The following MPP7 variants were observed in gnomAD, a reference collection of about 807,000 sequenced individuals.
MPP7 encodes the protein MAGUK p55 subfamily member 7.
A neutral mutation model predicts 76.5 loss-of-function variants in MPP7; 60 were observed. The ratio of observed to expected loss-of-function variants is 0.78; its 90% confidence interval spans 0.64 to 0.97. MPP7 has a LOEUF of 0.97. MPP7 is among the 50% of genes least tolerant of loss of function. The pLI, the probability that MPP7 is intolerant of heterozygous loss-of-function variation, is 0.00. For missense variants in MPP7, 641 were observed against 694.0 expected, an observed-to-expected ratio of 0.92 and a Z score of 0.86; for synonymous variants, 237 against 244.5, an observed-to-expected ratio of 0.97 and a Z score of 0.29.
intron 12 of MPP7, among the ~76,000 whole-genome samples, chr10:28,089,425 G>GTTCAA: frequency 6.6e-6 from 1 of 151,914 alleles, no homozygotes; most frequent in Non-Finnish European, 1.5e-5. Flanking sequence ...TATTACAACA[G>GTTCAA]TGTTTGCTAT....
intron 2 of MPP7, among the ~76,000 whole-genome samples, chr10:28,226,095 T>C (rs1838678735): frequency 6.6e-6 from 1 of 152,122 alleles, no homozygotes; most frequent in Non-Finnish European, 1.5e-5. Context: ...ACACCACAGA[T>C]GAACCTTAAA....
intron 5 of MPP7, among the ~76,000 whole-genome samples, chr10:28,138,413 A>G (rs780672107): frequency 9.9e-5 from 15 of 152,212 alleles, no homozygotes; most frequent in Non-Finnish European, 1.6e-4. Flanking sequence ...TTCACATTCA[A>G]TTAATCTAGT....
chr10:28,083,456 T>C (rs1852856124), intron 12 of MPP7, among the ~76,000 whole-genome samples: 1 of 152,138 alleles, frequency 6.6e-6, no homozygotes, highest in Non-Finnish European at 1.5e-5. Flanking sequence ...TCTGGAAAGT[T>C]TCTAGATCTT....
chr10:28,291,758 T>C (rs986416007), intron 1 of MPP7, among the ~76,000 whole-genome samples: 3 of 152,246 alleles, frequency 2.0e-5, no homozygotes, highest in Admixed American at 6.5e-5. Context: ...TAAAATGTGC[T>C]TGTGTTTGAA....
intron 2 of MPP7, among the ~76,000 whole-genome samples, chr10:28,323,340 C>T (rs367633709): frequency 3.3e-5 from 5 of 151,984 alleles, no homozygotes; most frequent in Admixed American, 1.3e-4. Flanking sequence ...GTGGTCCCAG[C>T]TACTTGGGCG....
chr10:28,193,725 TATAAAA>T (rs1370881168), intron 3 of MPP7, among the ~76,000 whole-genome samples: 1 of 151,876 alleles, frequency 6.6e-6, no homozygotes, highest in African/African-American at 2.4e-5. Context: ...ACAACAGGAA[TATAAAA>T]ATAAAAATAA....
chr10:28,245,352 G>A lies in MPP7; in HGVS notation c.-131-6617C>T, dbSNP rs1252268003. 2.0e-5 allele frequency among the ~76,000 whole-genome samples: 3 copies of A among 151,872 alleles called. No homozygotes were observed. In the East Asian group the frequency reaches 5.8e-4, roughly 29 times the overall value. On this transcript the variant is annotated intron_variant, in intron 1 of 16. Transcript: ENST00000683449. Reference sequence around the variant, plus strand: ...TTCTACATTTTTTTGTTCAATCAATGTCCCCCACTAGATTCCTTGAGAATG... The same window carrying A: ...TTCTACATTTTTTTGTTCAATCAATATCCCCCACTAGATTCCTTGAGAATG...
chr10:28,109,151 G>C (rs111315270), intron 11 of MPP7, among the ~76,000 whole-genome samples: 2,610 of 152,168 alleles, frequency 0.017, 75 homozygotes, highest in African/African-American at 0.058. Flanking sequence ...AGCCAGGCGT[G>C]GTGGTGGGTG....
At chr10:28,186,809 C>A (rs1443898604) in intron 3 of MPP7, among the ~76,000 whole-genome samples, 1 of 152,170 alleles carries the variant, frequency 6.6e-6, no homozygotes, top group Non-Finnish European at 1.5e-5. Flanking sequence ...TTGGTTAAGA[C>A]CTACTGCAGT....
At chr10:28,166,500 C>T (rs1332677603) in intron 3 of MPP7, among the ~76,000 whole-genome samples, 1 of 150,802 alleles carries the variant, frequency 6.6e-6, no homozygotes, top group African/African-American at 2.4e-5. Flanking sequence ...CTCCACCTCC[C>T]AGGTTCAAGT....
chr10:28,060,989 C>T (rs1341466378), intron 13 of MPP7, among the ~76,000 whole-genome samples: 1 of 152,110 alleles, frequency 6.6e-6, no homozygotes, highest in African/African-American at 2.4e-5. Flanking sequence ...ATCCTTGCAT[C>T]CTAACAGACC....
At chr10:28,268,381 A>G (rs1840213820) in intron 1 of MPP7, among the ~76,000 whole-genome samples, 1 of 152,234 alleles carries the variant, frequency 6.6e-6, no homozygotes, top group Non-Finnish European at 1.5e-5. Context: ...AGTACGTTGT[A>G]AGCCACTTTA....
At chr10:28,209,214 G>A (rs923739412) in intron 2 of MPP7, among the ~76,000 whole-genome samples, 2 of 152,078 alleles carry the variant, frequency 1.3e-5, no homozygotes, top group Non-Finnish European at 2.9e-5. Context: ...TGCAAAGAAC[G>A]ACCCAACACA....
chr10:28,326,763 AGTG>A (rs1834419713), intron 2 of MPP7, among the ~76,000 whole-genome samples: 1 of 152,230 alleles, frequency 6.6e-6, no homozygotes, highest in South Asian at 2.1e-4. Flanking sequence ...AGCAAAGCCA[AGTG>A]GCAGAAAGTG....
intron 1 of MPP7, among the ~76,000 whole-genome samples, chr10:28,288,701 T>C (rs1249753483): frequency 1.3e-5 from 2 of 152,148 alleles, no homozygotes; most frequent in South Asian, 2.1e-4. Flanking sequence ...GTCTGAAAAC[T>C]GCAGCTCCAA....
At chr10:28,217,136 T>C (rs1207982083) in intron 2 of MPP7, among the ~76,000 whole-genome samples, 1 of 152,166 alleles carries the variant, frequency 6.6e-6, no homozygotes, top group African/African-American at 2.4e-5. Context: ...TTATCTTCCA[T>C]TTCAAAGGCT....
chr10:28,120,172 T>G (rs1403064059), intron 10 of MPP7, 22 bp downstream of exon 10: 4 of 1,605,050 alleles, frequency 2.5e-6, no homozygotes, highest in Non-Finnish European at 2.6e-6. Context: ...AGAAAAGCCA[T>G]TATTATGTAC....
intron 6 of MPP7, among the ~76,000 whole-genome samples, chr10:28,131,007 T>C (rs1416296896): frequency 1.3e-5 from 2 of 152,144 alleles, no homozygotes; most frequent in Non-Finnish European, 2.9e-5. Context: ...GTTCTATTTT[T>C]CTATATTAAG....
intron 2 of MPP7, among the ~76,000 whole-genome samples, chr10:28,207,584 C>A (rs757735983): frequency 6.6e-6 from 1 of 151,798 alleles, no homozygotes; most frequent in Non-Finnish European, 1.5e-5. Flanking sequence ...ACTCAGGAGG[C>A]TGAGGCAGGA....
Sources: allele counts gnomAD v4.1 joint callset (sites outside exome capture counted in the v4.1 genomes callset), GRCh38; gene constraint gnomAD v4.1.1; transcripts MANE v1.5; gene names NCBI Gene and HGNC (gene_info 2026-07-23, HGNC 2026-07-21).